Variants in NOP58 observed in about 807,000 individuals in gnomAD.
NOP58 encodes NOP58 ribonucleoprotein.
A neutral mutation model predicts 71.2 loss-of-function variants in NOP58; 44 were observed. The ratio of observed to expected loss-of-function variants is 0.62; its 90% CI spans 0.49 to 0.79. NOP58 has a LOEUF of 0.79. Ranked by LOEUF, NOP58 falls within the 30% of genes least tolerant of loss-of-function variation. The probability of loss-of-function intolerance (pLI) is 0.00; values close to 1 mark genes in which losing one functional copy is unlikely to be tolerated. For synonymous variants in NOP58, 228 were observed against 200.3 expected, an observed-to-expected ratio of 1.14 and a Z score of -1.17; for missense variants, 538 against 620.2, an observed-to-expected ratio of 0.87 and a Z score of 1.41.
intron 6 of NOP58, 119 bp downstream of exon 6, chr2:202,287,843 GGCTCAA>G: frequency 1.3e-6 from 1 of 779,976 alleles, no homozygotes; most frequent in South Asian, 1.6e-5. Flanking sequence ...CAGGTGTGGT[GGCTCAA>G]GCCTTTAATC....
At position 202,294,212 on chromosome 2, in the gene NOP58, G is replaced by A. The variant is rs533933278; in HGVS notation, c.907+1309G>A. On this transcript the variant is annotated intron_variant, in intron 9 of 14. Transcript: ENST00000264279. Reference sequence around the variant, plus strand: ...CATGAGCCTGTAATCCCAGCTACTCGGGATGCTGAGGCAGGAGAATTGCTT... The same window carrying A: ...CATGAGCCTGTAATCCCAGCTACTCAGGATGCTGAGGCAGGAGAATTGCTT... Among the ~76,000 whole-genome samples, 156 of 151,722 alleles carry A rather than the reference G, an allele frequency of 1.0e-3. 1 individual carries two copies. The highest frequency in any genetic ancestry group is 3.2e-3 in the African/African-American group (133 of 41,370).
intron 3 of NOP58, among the ~76,000 whole-genome samples, chr2:202,280,915 G>A (rs574595266): frequency 3.0e-4 from 45 of 151,648 alleles, no homozygotes; most frequent in African/African-American, 9.9e-4. Context: ...AGCAGAGATG[G>A]GGTTTCACCA....
chr2:202,289,156 C>G (rs1688844822), intron 6 of NOP58, among the ~76,000 whole-genome samples: 1 of 152,010 alleles, frequency 6.6e-6, no homozygotes, highest in Non-Finnish European at 1.5e-5. Context: ...ACCAGCGATT[C>G]CTTTCCTAGA....
chr2:202,294,466 A>G (rs372060759), intron 9 of NOP58, among the ~76,000 whole-genome samples: 2 of 152,186 alleles, frequency 1.3e-5, no homozygotes, highest in Non-Finnish European at 1.5e-5. Flanking sequence ...CCAACTAAGC[A>G]GCATGTTGAT....
intron 9 of NOP58, among the ~76,000 whole-genome samples, chr2:202,294,621 A>G (rs1192458720): frequency 6.6e-6 from 1 of 152,126 alleles, no homozygotes; most frequent in South Asian, 2.1e-4. Flanking sequence ...TAGCTTATAA[A>G]TTAGGTACAG....
intron 1 of NOP58, among the ~76,000 whole-genome samples, chr2:202,272,440 C>T (rs1688526827): frequency 6.6e-6 from 1 of 152,176 alleles, no homozygotes; most frequent in African/African-American, 2.4e-5. Context: ...AGGCATGAGC[C>T]ACCGTGCCCA....
At chr2:202,275,219 A>G (rs776008449) in intron 2 of NOP58, 30 bp downstream of exon 2, 14 of 1,165,646 alleles carry the variant, frequency 1.2e-5, no homozygotes, top group Middle Eastern at 2.0e-4. Context: ...ATAATTTAGC[A>G]GTTAACATTT....
chr2:202,292,994 G>T (rs1392407988), intron 9 of NOP58, 91 bp downstream of exon 9: 1 of 1,400,824 alleles, frequency 7.1e-7, no homozygotes, highest in Non-Finnish European at 1.0e-6. Context: ...AGCTGTTAAA[G>T]AAATTTTAGC....
At chr2:202,271,230 T>TA (rs1688507263) in intron 1 of NOP58, among the ~76,000 whole-genome samples, 1 of 152,076 alleles carries the variant, frequency 6.6e-6, no homozygotes, top group Non-Finnish European at 1.5e-5. Flanking sequence ...TGGGATGTCT[T>TA]ACAATTGATG....
rs146762917 is a variant in NOP58, at chr2:202,278,729, C to T, written c.175+727C>T. On this transcript the variant is annotated intron_variant, in intron 3 of 14. Coordinates refer to ENST00000264279, the MANE Select transcript of NOP58 (RefSeq NM_015934.5). ...TATCACAAATCAGCCAACTATTTGGCGGTGTAGTTTGAAAATGAAGGACCG... is the reference window on the plus strand; with the variant it reads ...TATCACAAATCAGCCAACTATTTGGTGGTGTAGTTTGAAAATGAAGGACCG... Among the ~76,000 whole-genome samples the T allele has an allele frequency of 2.1e-3, 316 of 152,166 alleles. 1 individual carries two copies. The highest frequency in any genetic ancestry group is 7.4e-3 in the African/African-American group (306 of 41,520).
rs375922698 is a variant in NOP58 at position 202,297,872 on chromosome 2, G to A, written c.1234G>A (p.Ala412Thr). 1.6e-5 allele frequency: 25 copies of A among 1,585,884 alleles called. No homozygotes were observed. The highest frequency in any genetic ancestry group is 3.4e-4 in the Middle Eastern group (2 of 5,938). Residue 412 changes from alanine to threonine, a missense_variant, in exon 12 of 15, where the codon GCA becomes ACA. Physicochemically the swap from Ala to Thr is moderately conservative, Grantham distance 58. Coordinates refer to ENST00000264279, the MANE Select transcript of NOP58 (RefSeq NM_015934.5). ...GIRKISGTGK[A>T]LAKTEKYEHK... The stretch of plus-strand genomic sequence containing the variant: ...AAGAAAAATAAGTGGAACAGGAAAA[G>A]CATTAGCAAAAACAGAAAAATATGA...
rs1302680891 is a variant in NOP58 at position 202,282,479 on chromosome 2, T to C, written c.297+7T>C. 6.2e-7 allele frequency: 1 copy of C among 1,603,448 alleles called. No homozygotes were observed. The highest frequency in any genetic ancestry group is 8.5e-7 in the Non-Finnish European group (1 of 1,177,586). ...ACTAGGAGGGGTCATAAAGGTAAAG[T>C]CACGATATTTTTGGTCATGCCTGCT... On this transcript the variant is annotated splice_region_variant and intron_variant, in intron 4 of 14. Transcript: ENST00000264279.
intron 8 of NOP58, 148 bp downstream of exon 8, chr2:202,291,418 A>C: frequency 1.9e-6 from 1 of 521,808 alleles, no homozygotes; most frequent in Non-Finnish European, 3.4e-6. Context: ...ATCTGATGCC[A>C]TCATGATTTG....
rs142142955 is a variant in NOP58, at chr2:202,266,036, C to A, written c.45+50C>A. 1.3e-4 allele frequency: 214 copies of A among 1,596,800 alleles called. No homozygotes were observed. The African/African-American group carries it at 2.4e-3, about 18-fold the overall frequency. ...AGGGGGAAGGCGGATGCTGGACAGA[C>A]GAGGAGAGGGAAAGACTTAAGCACG... On this transcript the variant is annotated intron_variant, in intron 1 of 14. Transcript: ENST00000264279.
intron 13 of NOP58, 31 bp from the exon 14 acceptor site, chr2:202,302,890 T>C: frequency 5.7e-6 from 9 of 1,585,028 alleles, no homozygotes; most frequent in Non-Finnish European, 7.7e-6. Flanking sequence ...ACAGTGTTAA[T>C]TTGTTGTGCC....
At chr2:202,288,012 G>T (rs1688822315) in intron 6 of NOP58, among the ~76,000 whole-genome samples, 1 of 152,072 alleles carries the variant, frequency 6.6e-6, no homozygotes, top group Non-Finnish European at 1.5e-5. Flanking sequence ...TACTCAGGAG[G>T]CTGAGGCAGG....
intron 9 of NOP58, 137 bp from the exon 10 acceptor site, chr2:202,295,536 TC>T (rs1688974702): frequency 3.2e-6 from 2 of 628,570 alleles, no homozygotes; most frequent in Non-Finnish European, 5.0e-6. Context: ...TTTAGGGAAT[TC>T]TGGATTATAG....
At chr2:202,269,423 T>A (rs1688477656) in intron 1 of NOP58, among the ~76,000 whole-genome samples, 2 of 151,842 alleles carry the variant, frequency 1.3e-5, no homozygotes, top group Admixed American at 6.6e-5. Context: ...GTGCTGGGAT[T>A]ACAGCCATGA....
intron 9 of NOP58, among the ~76,000 whole-genome samples, chr2:202,294,838 G>C (rs1225726199): frequency 6.6e-6 from 1 of 151,986 alleles, no homozygotes; most frequent in Non-Finnish European, 1.5e-5. Flanking sequence ...GTAGTGGTGG[G>C]TGCCTGTAAT....
Sources: allele counts gnomAD v4.1 joint callset (sites outside exome capture counted in the v4.1 genomes callset), GRCh38; gene constraint gnomAD v4.1.1; transcripts MANE v1.5; gene names NCBI Gene and HGNC (gene_info 2026-07-23, HGNC 2026-07-21).